DDX11: variants seen among roughly 807,000 people sequenced by gnomAD.
DDX11 encodes DEAD/H-box helicase 11, also known as ATP-dependent DNA helicase DDX11.
DDX11 carries 72 observed loss-of-function variants against 125.2 expected under a neutral mutation model. The observed-to-expected ratio is 0.58, with a 90% CI of 0.48 to 0.70. The LOEUF is 0.70. Ranked by LOEUF, DDX11 falls within the 30% of genes least tolerant of loss-of-function variation. The pLI is 0.00. For missense variants in DDX11, 883 were observed against 1,165.0 expected (o/e 0.76, Z 3.52); for synonymous variants, 347 against 452.6 (o/e 0.77, Z 2.96).
chr12:31,087,693 CTT>C (rs1295958217), intron 5 of DDX11: 1 of 621,576 alleles, frequency 1.6e-6, no homozygotes, highest in African/African-American at 1.8e-5. Flanking sequence ...CGACTCAAGA[CTT>C]GGGTTGGGGG....
Position 31,101,921 on chromosome 12 carries a change from G to C in DDX11, c.2141G>C (p.Arg714Pro). Reference sequence around the variant, plus strand: ...TTCTTCCCCTCCTACGAGTACCTGCGCCAGGTCCATGCCCACTGGGAGAAG... The same window carrying C: ...TTCTTCCCCTCCTACGAGTACCTGCCCCAGGTCCATGCCCACTGGGAGAAG... ...VCFFPSYEYLRQVHAHWEKGG... is the reference protein window; with the variant it reads ...VCFFPSYEYLPQVHAHWEKGG... Residue 714 changes from arginine to proline, a missense_variant, in exon 21 of 27, where the codon CGC (arginine) becomes CCC (proline). By Grantham distance (103) the Arg-to-Pro change is moderately radical. Around this residue, in one of 5 missense-constraint regions of DDX11, gnomAD observed 285 missense variants for 346.0 expected, o/e 0.82. Transcript: ENST00000542838. 1 of 1,613,812 alleles carries C rather than the reference G, an allele frequency of 6.2e-7. No homozygotes were observed. Among genetic ancestry groups the C allele is most frequent in the Non-Finnish European group, 8.5e-7 (1 of 1,179,824 alleles).
chr12:31,093,689 C>A (rs2140855330), intron 12 of DDX11: 1 of 278,726 alleles, frequency 3.6e-6, no homozygotes, highest in African/African-American at 2.5e-5. Flanking sequence ...CCACTGCAGT[C>A]CAGTCTGGGC....
At chr12:31,078,674 T>TTCCTCTA (rs1941201495) in intron 2 of DDX11, 137 bp downstream of exon 2, 1 of 1,320,206 alleles carries the variant, frequency 7.6e-7, no homozygotes, top group Non-Finnish European at 1.1e-6. Context: ...TAATAGTCAC[T>TTCCTCTA]TCCTCTATTA....
chr12:31,081,519 C>T (rs1283829273), intron 2 of DDX11, among the ~76,000 whole-genome samples: 6 of 151,520 alleles, frequency 4.0e-5, no homozygotes, highest in Admixed American at 2.0e-4. Context: ...ACTGCAGTTC[C>T]GGGAGTCATC....
intron 21 of DDX11, 40 bp downstream of exon 21, chr12:31,102,022 G>A (rs1946468148): frequency 6.2e-7 from 1 of 1,601,414 alleles, no homozygotes; most frequent in African/African-American, 1.3e-5. Context: ...TGTGAGGACA[G>A]TGCCACTGAG....
At chr12:31,099,084 C>CTTTTTTTTTTTTTTTTTTTTTTTTTTT (rs763612105) in intron 18 of DDX11, among the ~76,000 whole-genome samples, 20 of 63,720 alleles carry the variant, frequency 3.1e-4, no homozygotes, top group Admixed American at 4.6e-4. Flanking sequence ...TTCTTTCTTT[C>CTTTTTTTTTTTTTTTTTTTTTTTTTTT]TTTTTTTTTT....
chr12:31,087,252 G>A (rs1310748540), intron 5 of DDX11, among the ~76,000 whole-genome samples: 4 of 149,056 alleles, frequency 2.7e-5, no homozygotes, highest in African/African-American at 5.0e-5. Context: ...CACTCGATTG[G>A]TCAGTTGTAG....
chr12:31,101,182 G>A, intron 20 of DDX11, 52 bp downstream of exon 20: 2 of 1,540,182 alleles, frequency 1.3e-6, no homozygotes, highest in Non-Finnish European at 1.8e-6. Flanking sequence ...GCAGCAAAGG[G>A]TTTTCTGGGG....
intron 1 of DDX11, chr12:31,077,860 A>AGG (rs1940997279): frequency 2.0e-5 from 4 of 199,340 alleles, no homozygotes; most frequent in Non-Finnish European, 3.1e-5. Context: ...AAAAAAAAAA[A>AGG]AGATAGGGAC....
At chr12:31,087,147 C>T (rs1242509723) in intron 5 of DDX11, among the ~76,000 whole-genome samples, 3 of 149,240 alleles carry the variant, frequency 2.0e-5, no homozygotes, top group Admixed American at 1.3e-4. Context: ...CAACGCCTGG[C>T]GCTGATGGAT....
intron 3 of DDX11, 108 bp downstream of exon 3, chr12:31,084,169 C>G (rs1942584238): frequency 6.8e-7 from 1 of 1,481,398 alleles, no homozygotes; most frequent in South Asian, 1.1e-5. Context: ...CTGCCGTTGC[C>G]GTGCCTCTCA....
chr12:31,084,472 A>G, intron 3 of DDX11, 111 bp from the exon 4 acceptor site: 1 of 964,520 alleles, frequency 1.0e-6, no homozygotes, highest in Non-Finnish European at 1.6e-6. Context: ...CTGGCCGGGG[A>G]AGGAGAGATG....
intron 2 of DDX11, among the ~76,000 whole-genome samples, chr12:31,082,838 C>T (rs1237464207): frequency 1.3e-5 from 2 of 152,180 alleles, no homozygotes; most frequent in Admixed American, 6.5e-5. Flanking sequence ...TTCTGAGGGT[C>T]GTGAGGGAAA....
At chr12:31,082,266 C>T (rs1412107825) in intron 2 of DDX11, among the ~76,000 whole-genome samples, 3 of 151,508 alleles carry the variant, frequency 2.0e-5, no homozygotes, top group African/African-American at 7.3e-5. Context: ...ACTCCAACCG[C>T]TCACTTGTTA....
intron 6 of DDX11, 36 bp downstream of exon 6, chr12:31,088,019 G>A (rs369807385): frequency 6.2e-7 from 1 of 1,607,184 alleles, no homozygotes; most frequent in Non-Finnish European, 8.5e-7. Context: ...CTGTGCTGGG[G>A]GTATAGGCTG....
rs374988943 is a variant in DDX11 at position 31,103,654 on chromosome 12, G to A, written c.2614G>A (p.Ala872Thr). Reference sequence around the variant, plus strand: ...GCGATATGCCCGGCCCCCTGTCCTGGCCAAGCTGCCGGCCTGGATCCGAGC... The same window carrying A: ...GCGATATGCCCGGCCCCCTGTCCTGACCAAGCTGCCGGCCTGGATCCGAGC... ...DQRYARPPVL[A>T]KLPAWIRARV... Residue 872 changes from alanine to threonine, a missense_variant, in exon 26 of 27, where the codon GCC becomes ACC. Physicochemically the swap from Ala to Thr is moderately conservative, Grantham distance 58. Around this residue, in one of 5 missense-constraint regions of DDX11, gnomAD observed 285 missense variants for 346.0 expected, o/e 0.82. Coordinates refer to ENST00000542838, the MANE Select transcript of DDX11 (RefSeq NM_030653.4). 4.3e-6 allele frequency: 7 copies of A among 1,613,980 alleles called. No homozygotes were observed. The highest frequency in any genetic ancestry group is 5.9e-6 in the Non-Finnish European group (7 of 1,180,044).
At chr12:31,082,684 A>AAGAACTTCC (rs1942211265) in intron 2 of DDX11, among the ~76,000 whole-genome samples, 1 of 151,742 alleles carries the variant, frequency 6.6e-6, no homozygotes, top group African/African-American at 2.4e-5. Flanking sequence ...GCGCTCCCTG[A>AAGAACTTCC]AGGGTCCTCT....
chr12:31,096,774 C>A, intron 16 of DDX11, 29 bp downstream of exon 16: 1 of 1,614,088 alleles, frequency 6.2e-7, no homozygotes, highest in Non-Finnish European at 8.5e-7. Flanking sequence ...CAGGCAGAGC[C>A]GGCTGCACGC....
intron 6 of DDX11, among the ~76,000 whole-genome samples, chr12:31,088,375 C>T (rs1196295136): frequency 3.3e-5 from 5 of 152,052 alleles, no homozygotes; most frequent in Non-Finnish European, 5.9e-5. Context: ...CTGTTCTGGG[C>T]TGAAATCTGG....
Sources: allele counts gnomAD v4.1 joint callset (sites outside exome capture counted in the v4.1 genomes callset), GRCh38; gene constraint gnomAD v4.1.1; regional missense constraint gnomAD v4.1.1; transcripts MANE v1.5; gene names NCBI Gene and HGNC (gene_info 2026-07-23, HGNC 2026-07-21).